Variants in TCERG1L observed in about 807,000 individuals in gnomAD.
TCERG1L encodes transcription elongation regulator 1 like.
TCERG1L carries 37 observed loss-of-function variants against 56.3 expected under a neutral mutation model. That is an observed-to-expected ratio of 0.66 (90% CI 0.51 to 0.87). The LOEUF is 0.87. Ranked by LOEUF, TCERG1L falls within the 40% of genes least tolerant of loss-of-function variation. The pLI, the probability that TCERG1L is intolerant of heterozygous loss-of-function variation, is 0.00. For missense variants in TCERG1L, 799 were observed against 774.2 expected, an observed-to-expected ratio of 1.03 and a Z score of -0.38; for synonymous variants, 324 against 326.3, an observed-to-expected ratio of 0.99 and a Z score of 0.08.
intron 4 of TCERG1L, among the ~76,000 whole-genome samples, chr10:131,177,100 GCA>G (rs1276473585): frequency 8.2e-5 from 12 of 146,520 alleles, no homozygotes; most frequent in Admixed American, 2.0e-4. Flanking sequence ...ACAGACACAT[GCA>G]CACACAGACA....
intron 7 of TCERG1L, among the ~76,000 whole-genome samples, chr10:131,140,720 C>G (rs543953396): frequency 6.6e-6 from 1 of 152,128 alleles, no homozygotes; most frequent in East Asian, 1.9e-4. Flanking sequence ...GGCAGCGGTG[C>G]GAGGGATGCC....
At chr10:131,111,741 T>C (rs1042260122) in intron 9 of TCERG1L, among the ~76,000 whole-genome samples, 1 of 143,092 alleles carries the variant, frequency 7.0e-6, no homozygotes, top group Non-Finnish European at 1.6e-5. Context: ...CTGCGTGGAA[T>C]TCACTCATGT....
At chr10:131,177,631 G>A (rs759519905) in intron 4 of TCERG1L, among the ~76,000 whole-genome samples, 2 of 152,146 alleles carry the variant, frequency 1.3e-5, no homozygotes, top group East Asian at 1.9e-4. Context: ...GCGTTAACAC[G>A]CCCAGCACAT....
Position 131,116,850 on chromosome 10 carries a change from C to G in TCERG1L, c.1344G>C (p.Leu448=). Reference sequence around the variant, plus strand: ...AGTGGGTCACACGCTCCTCCAGAGGCAGGAGGATCTGCGGGGGCGGCGTCC... The same window carrying G: ...AGTGGGTCACACGCTCCTCCAGAGGGAGGAGGATCTGCGGGGGCGGCGTCC... ...GTRTPPPQIL[L]PLEERVTHFR... is the part of the protein sequence containing the mutation. Residue 448 remains leucine (L), a synonymous_variant, in exon 9 of 12, where the codon CTG becomes CTC. Coordinates refer to ENST00000368642, the MANE Select transcript of TCERG1L (RefSeq NM_174937.4). 6.3e-7 allele frequency: 1 copy of G among 1,584,206 alleles called. No individual in the cohort carries two copies. The highest frequency in any genetic ancestry group is 1.3e-5 in the African/African-American group (1 of 74,484).
intron 4 of TCERG1L, among the ~76,000 whole-genome samples, chr10:131,172,453 G>A (rs376437345): frequency 2.2e-4 from 34 of 152,252 alleles, no homozygotes; most frequent in African/African-American, 7.5e-4. Flanking sequence ...AATCTCTTAG[G>A]CTGAGGAGGG....
intron 3 of TCERG1L, among the ~76,000 whole-genome samples, chr10:131,289,239 C>T (rs1438455550): frequency 1.3e-5 from 2 of 151,418 alleles, no homozygotes; most frequent in African/African-American, 4.9e-5. Flanking sequence ...GTGAGCGTCA[C>T]GTGACGGAGA....
chr10:131,189,831 C>T lies in TCERG1L; in HGVS notation c.857-22946G>A, dbSNP rs1007913496. The stretch of plus-strand genomic sequence containing the variant: ...AGAGTTCCTTTTTTCTGAATCCTCA[C>T]CAACATCTGCTATTTTTTATCTTTT... On this transcript the variant is annotated intron_variant, in intron 4 of 11. Coordinates refer to ENST00000368642, the MANE Select transcript of TCERG1L (RefSeq NM_174937.4). Among the ~76,000 whole-genome samples the T allele has an allele frequency of 3.3e-5, 5 of 152,124 alleles. No individual in the cohort carries two copies. The South Asian group carries it at 8.3e-4, about 25-fold the overall frequency.
At chr10:131,286,150 G>A (rs1181167363) in intron 3 of TCERG1L, among the ~76,000 whole-genome samples, 1 of 152,166 alleles carries the variant, frequency 6.6e-6, no homozygotes, top group Admixed American at 6.5e-5. Context: ...TCTTCTTTTT[G>A]TCCCTTAAAA....
chr10:131,143,922 C>A (rs1040312953), intron 7 of TCERG1L, among the ~76,000 whole-genome samples: 3 of 152,356 alleles, frequency 2.0e-5, no homozygotes, highest in Admixed American at 6.5e-5. Flanking sequence ...GCAGTGCTAA[C>A]AGAATGACAA....
rs1846298939 is a variant in TCERG1L, at chr10:131,267,467, A to G, written c.671-7023T>C. Among the ~76,000 whole-genome samples the G allele has an allele frequency of 6.6e-6, 1 of 152,186 alleles. No individual in the cohort carries two copies. The highest frequency in any genetic ancestry group is 2.1e-4 in the South Asian group (1 of 4,834). On this transcript the variant is annotated intron_variant, in intron 3 of 11. Coordinates refer to ENST00000368642, the MANE Select transcript of TCERG1L (RefSeq NM_174937.4). The surrounding 1 kb of genome is among the most constrained non-coding windows in gnomAD (Gnocchi z 4.9). The stretch of plus-strand genomic sequence containing the variant: ...AGCCTCGGCAGCTCCCACACTGCCA[A>G]CTTGAGGGGGGTCATGGCTCCTGCC...
Position 131,267,312 on chromosome 10 carries a change from C to T in TCERG1L, c.671-6868G>A, listed in dbSNP as rs1846297678. Among the ~76,000 whole-genome samples, 1 of 152,200 alleles carries T rather than the reference C, an allele frequency of 6.6e-6. No homozygotes were observed. The highest frequency in any genetic ancestry group is 2.4e-5 in the African/African-American group (1 of 41,456). ...ACAGCACCCAGGCTTGGCCCCAACCCTACTCTAGGATCGGAGTAAGCACTG... is the reference window on the plus strand; with the variant it reads ...ACAGCACCCAGGCTTGGCCCCAACCTTACTCTAGGATCGGAGTAAGCACTG... On this transcript the variant is annotated intron_variant, in intron 3 of 11. Coordinates refer to ENST00000368642, the MANE Select transcript of TCERG1L (RefSeq NM_174937.4). The surrounding 1 kb of genome is among the most constrained non-coding windows in gnomAD (Gnocchi z 4.9).
chr10:131,111,235 C>T (rs113578602), intron 9 of TCERG1L, among the ~76,000 whole-genome samples: 3 of 142,700 alleles, frequency 2.1e-5, no homozygotes, highest in East Asian at 2.4e-4. Context: ...TCTGCAGAAA[C>T]GTGTGTCTGT....
chr10:131,282,114 C>T (rs985471539), intron 3 of TCERG1L, among the ~76,000 whole-genome samples: 5 of 121,932 alleles, frequency 4.1e-5, no homozygotes, highest in Admixed American at 1.1e-4. Context: ...CTGGCCTGGG[C>T]GAAAGAGCAA....
At chr10:131,189,763 T>C (rs11593896) in intron 4 of TCERG1L, among the ~76,000 whole-genome samples, 35,937 of 152,126 alleles carry the variant, frequency 0.24, 4,421 homozygotes, top group Middle Eastern at 0.32. Context: ...ATGCTGATTT[T>C]CATAGAGGTT....
chr10:131,112,571 C>A (rs1255383719), intron 9 of TCERG1L, among the ~76,000 whole-genome samples: 2 of 142,544 alleles, frequency 1.4e-5, no homozygotes, highest in East Asian at 2.4e-4. Flanking sequence ...GGGAACACTC[C>A]TGGAGCCTGT....
At chr10:131,101,955 G>A (rs1474075621) in intron 10 of TCERG1L, among the ~76,000 whole-genome samples, 2 of 152,140 alleles carry the variant, frequency 1.3e-5, no homozygotes, top group East Asian at 1.9e-4. Flanking sequence ...GCCCACCTCG[G>A]CCTCCCAAAG....
intron 11 of TCERG1L, chr10:131,095,403 G>A (rs2133376585): frequency 6.6e-6 from 1 of 152,442 alleles, no homozygotes; most frequent in Admixed American, 6.5e-5. Flanking sequence ...TCAGGACCGA[G>A]GCTGAGACGG....
chr10:131,311,544 G>T lies in TCERG1L; in HGVS notation c.92C>A (p.Ala31Glu). Residue 31 changes from alanine (A) to glutamate (E), a missense_variant, in exon 1 of 12, where the codon GCA becomes GAA. Coordinates refer to ENST00000368642, the MANE Select transcript of TCERG1L (RefSeq NM_174937.4). The surrounding 1 kb of genome is among the most constrained non-coding windows in gnomAD (Gnocchi z 4.0). The stretch of plus-strand genomic sequence containing the variant: ...CCAGGGCGGCGGCGGCGGCGGCTCT[G>T]CGTCCATCGGCCAGAGGAGAGGCTG... Reference protein sequence around the residue: ...RRQPLLWPMDAEPPPPPPWVW... With the variant: ...RRQPLLWPMDEEPPPPPPWVW... The T allele has an allele frequency of 8.4e-7, 1 of 1,191,354 alleles. No individual in the cohort carries two copies. The highest frequency in any genetic ancestry group is 3.3e-5 in the South Asian group (1 of 30,660). The allele number at this position is 1,191,354 out of a possible 1,614,324, so 73.8% of individuals were successfully genotyped here. A position where few individuals can be genotyped will look rare whatever the true frequency, so the allele number is the denominator to read the frequency against.
intron 9 of TCERG1L, among the ~76,000 whole-genome samples, chr10:131,115,862 C>A (rs1271591296): frequency 2.0e-5 from 3 of 152,302 alleles, no homozygotes; most frequent in Non-Finnish European, 2.9e-5. Context: ...TCTGCTCAGA[C>A]CTCTCTGTTC....
Sources: allele counts gnomAD v4.1 joint callset (sites outside exome capture counted in the v4.1 genomes callset), GRCh38; gene constraint gnomAD v4.1.1; non-coding constraint Gnocchi (gnomAD v3.1); transcripts MANE v1.5; gene names NCBI Gene and HGNC (gene_info 2026-07-23, HGNC 2026-07-21).